The following HAPLN1 variants were observed in gnomAD, a reference collection of about 807,000 sequenced individuals.
The protein encoded by HAPLN1 is hyaluronan and proteoglycan link protein 1, also known as Cartilage link protein.
Under a neutral mutation model 36.5 loss-of-function variants are expected in HAPLN1, and 13 were observed. The ratio of observed to expected loss-of-function variants is 0.36; its 90% CI spans 0.23 to 0.57. HAPLN1 has a LOEUF of 0.57. Ranked by LOEUF, HAPLN1 falls within the 20% of genes least tolerant of loss-of-function variation. HAPLN1 has a pLI of 0.83. For synonymous variants in HAPLN1, 202 were observed against 169.8 expected (o/e 1.19, Z -1.48); for missense variants, 407 against 439.7 (o/e 0.93, Z 0.66).
At chr5:83,687,622 CTT>C (rs2112615958) in intron 1 of HAPLN1, among the ~76,000 whole-genome samples, 1 of 152,202 alleles carries the variant, frequency 6.6e-6, no homozygotes, top group East Asian at 1.9e-4. Flanking sequence ...ATGCAACTGA[CTT>C]GACGAGAGTA....
chr5:83,659,608 A>C lies in HAPLN1; in HGVS notation c.101-6784T>G, dbSNP rs111735516. Among the ~76,000 whole-genome samples, 440 of 152,238 alleles carry C rather than the reference A, an allele frequency of 2.9e-3. 3 individuals carry two copies. Among genetic ancestry groups the C allele is most frequent in the African/African-American group, 9.7e-3 (402 of 41,522 alleles). On this transcript the variant is annotated intron_variant, in intron 2 of 4. Transcript: ENST00000274341. The stretch of plus-strand genomic sequence containing the variant: ...AAAATCTTATAAAAATAAATGTAGA[A>C]GTTGAGGGAATTTAACAAATAGACA...
intron 1 of HAPLN1, chr5:83,675,259 A>C (rs1271176516): frequency 1.3e-5 from 2 of 152,220 alleles, no homozygotes; most frequent in African/African-American, 4.8e-5. Flanking sequence ...AACTGTAAAC[A>C]CAAATATGAA....
chr5:83,700,133 A>G (rs1407760274), intron 1 of HAPLN1, among the ~76,000 whole-genome samples: 7 of 150,806 alleles, frequency 4.6e-5, no homozygotes, highest in Non-Finnish European at 3.0e-5. Flanking sequence ...GGCGGAGGTT[A>G]CAGTGAGCTG....
Position 83,684,960 on chromosome 5 carries a change from A to G in HAPLN1, c.-26-11411T>C, listed in dbSNP as rs1751086658. ...CACTTTTAAAGACTTCCAATTTTTTATAGAGATAAAATATAAAGATTTCAA... is the reference window on the plus strand; with the variant it reads ...CACTTTTAAAGACTTCCAATTTTTTGTAGAGATAAAATATAAAGATTTCAA... On this transcript the variant is annotated intron_variant, in intron 1 of 4. Coordinates refer to ENST00000274341, the MANE Select transcript of HAPLN1 (RefSeq NM_001884.4). Among the ~76,000 whole-genome samples, 2 of 152,160 alleles carry G rather than the reference A, an allele frequency of 1.3e-5. 1 individual carries two copies. The highest frequency in any genetic ancestry group is 4.1e-4 in the South Asian group (2 of 4,826).
intron 1 of HAPLN1, among the ~76,000 whole-genome samples, chr5:83,676,385 G>A (rs1750861948): frequency 1.3e-5 from 2 of 152,166 alleles, no homozygotes; most frequent in Admixed American, 1.3e-4. Flanking sequence ...CCAGGGAGGT[G>A]AGAATGGAAA....
At chr5:83,705,623 G>A (rs1751624522) in intron 1 of HAPLN1, among the ~76,000 whole-genome samples, 1 of 151,796 alleles carries the variant, frequency 6.6e-6, no homozygotes, top group Admixed American at 6.6e-5. Flanking sequence ...TCAAAAAGTT[G>A]GAAAGATTTC....
chr5:83,643,810 G>A (rs1312298398), intron 4 of HAPLN1, among the ~76,000 whole-genome samples: 4 of 152,210 alleles, frequency 2.6e-5, no homozygotes, highest in Non-Finnish European at 4.4e-5. Flanking sequence ...AAGACAGCAA[G>A]AGAAGGGCTG....
intron 1 of HAPLN1, among the ~76,000 whole-genome samples, chr5:83,684,304 G>A (rs1177755968): frequency 6.6e-6 from 1 of 152,106 alleles, no homozygotes; most frequent in Non-Finnish European, 1.5e-5. Context: ...CAGGCAAGTA[G>A]AAATAAGGCT....
intron 2 of HAPLN1, among the ~76,000 whole-genome samples, chr5:83,659,645 T>A (rs1182543941): frequency 6.6e-6 from 1 of 152,128 alleles, no homozygotes; most frequent in East Asian, 1.9e-4. Context: ...GAACCTTTTA[T>A]CTAGAGTCTC....
At chr5:83,648,457 A>C (rs1749948731) in intron 3 of HAPLN1, among the ~76,000 whole-genome samples, 1 of 138,728 alleles carries the variant, frequency 7.2e-6, no homozygotes, top group Admixed American at 7.3e-5. Context: ...TCCAAGACAG[A>C]ATAAATATAT....
intron 2 of HAPLN1, among the ~76,000 whole-genome samples, chr5:83,672,373 G>A (rs1052659052): frequency 3.8e-4 from 58 of 152,170 alleles, no homozygotes; most frequent in African/African-American, 1.3e-3. Context: ...GCAGCTTGCA[G>A]AGTAAAATGT....
chr5:83,701,130 T>C (rs1751498802), intron 1 of HAPLN1, among the ~76,000 whole-genome samples: 1 of 152,218 alleles, frequency 6.6e-6, no homozygotes, highest in South Asian at 2.1e-4. Context: ...ACTAGACTAA[T>C]TGCAATGTGA....
At chr5:83,660,087 T>C (rs1422199816) in intron 2 of HAPLN1, among the ~76,000 whole-genome samples, 1 of 152,180 alleles carries the variant, frequency 6.6e-6, no homozygotes, top group African/African-American at 2.4e-5. Context: ...AATTGTGTTT[T>C]TATAATTTCT....
chr5:83,681,070 G>A (rs1750987327), intron 1 of HAPLN1, among the ~76,000 whole-genome samples: 1 of 152,082 alleles, frequency 6.6e-6, no homozygotes, highest in Non-Finnish European at 1.5e-5. Flanking sequence ...TCTTGATTCT[G>A]TGATCAAAAA....
At chr5:83,708,372 T>C (rs992468690) in intron 1 of HAPLN1, among the ~76,000 whole-genome samples, 2 of 152,202 alleles carry the variant, frequency 1.3e-5, no homozygotes, top group African/African-American at 4.8e-5. Flanking sequence ...CATGGAATAC[T>C]ATGCAGCCAT....
At chr5:83,652,883 C>A in intron 2 of HAPLN1, 59 bp from the exon 3 acceptor site, 1 of 1,414,412 alleles carries the variant, frequency 7.1e-7, no homozygotes, top group South Asian at 1.5e-5. Flanking sequence ...CAGACATTTT[C>A]ATAAAATGAA....
chr5:83,654,424 G>GTAA (rs1329963740), intron 2 of HAPLN1, among the ~76,000 whole-genome samples: 1 of 152,140 alleles, frequency 6.6e-6, no homozygotes, highest in Non-Finnish European at 1.5e-5. Flanking sequence ...ATAACTCTAT[G>GTAA]TAATTCTACC....
intron 1 of HAPLN1, among the ~76,000 whole-genome samples, chr5:83,678,795 T>C (rs2112606345): frequency 1.3e-5 from 2 of 152,186 alleles, no homozygotes; most frequent in East Asian, 3.9e-4. Context: ...AAGTAGCAAA[T>C]GAATAATAAA....
chr5:83,701,568 G>A (rs2112629600), intron 1 of HAPLN1, among the ~76,000 whole-genome samples: 1 of 152,298 alleles, frequency 6.6e-6, no homozygotes, highest in Non-Finnish European at 1.5e-5. Flanking sequence ...TGTAAAGATG[G>A]ATAAAACAAC....
Sources: allele counts gnomAD v4.1 joint callset (sites outside exome capture counted in the v4.1 genomes callset), GRCh38; gene constraint gnomAD v4.1.1; transcripts MANE v1.5; gene names NCBI Gene and HGNC (gene_info 2026-07-23, HGNC 2026-07-21).